Variants in SGCD observed in about 807,000 individuals in gnomAD.
SGCD encodes sarcoglycan delta.
SGCD carries 18 observed loss-of-function variants against 36.6 expected under a neutral mutation model. That is an observed-to-expected ratio of 0.49 (90% CI 0.34 to 0.73). SGCD has a LOEUF of 0.73. SGCD is among the 30% of genes least tolerant of loss of function. SGCD has a pLI of 0.01. For synonymous variants in SGCD, 133 were observed against 130.6 expected (o/e 1.02, Z -0.12); for missense variants, 387 against 346.7 (o/e 1.12, Z -0.92).
chr5:155,866,489 A>G (rs1755527228), upstream of SGCD, among the ~76,000 whole-genome samples: 1 of 152,214 alleles, frequency 6.6e-6, no homozygotes, highest in Admixed American at 6.6e-5. Context: ...CCTGCTCCAT[A>G]GACCTGTAGA....
chr5:155,818,248 G>T, the SGCD span, among the ~76,000 whole-genome samples: 7,114 of 152,160 alleles, frequency 0.047, 220 homozygotes, highest in Middle Eastern at 0.13. Flanking sequence ...GGGGTGGGGG[G>T]CCAGCAGGAC....
In SGCD at chr5:156,766,868, C is replaced by T. The variant is rs1414468217; in HGVS notation, c.*7478C>T. 9 of 152,100 alleles carry T rather than the reference C, an allele frequency of 5.9e-5. No individual in the cohort carries two copies. The highest frequency in any genetic ancestry group is 1.3e-4 in the Non-Finnish European group (9 of 68,054). The allele number at this position is 152,100 out of a possible 1,614,324, so 9.4% of individuals were successfully genotyped here. A position where few individuals can be genotyped will look rare whatever the true frequency, so the allele number is the denominator to read the frequency against. On this transcript the variant is annotated 3_prime_UTR_variant, in exon 9 of 9. Coordinates refer to ENST00000337851, the MANE Select transcript of SGCD (RefSeq NM_000337.6). The stretch of plus-strand genomic sequence containing the variant: ...CAGCAGCAAAGAGGTTGGGGTCCAT[C>T]CCTCTCTGATGTGCTTTTTCCACAA...
chr5:156,756,779 C>CA (rs1483328008), intron 7 of SGCD, among the ~76,000 whole-genome samples: 2 of 152,182 alleles, frequency 1.3e-5, no homozygotes, highest in African/African-American at 4.8e-5. Context: ...CCACTGCAAT[C>CA]AAGTTCCGTC....
At chr5:156,548,598 A>C (rs1269611553) in intron 4 of SGCD, among the ~76,000 whole-genome samples, 1 of 152,140 alleles carries the variant, frequency 6.6e-6, no homozygotes, top group Non-Finnish European at 1.5e-5. Flanking sequence ...GATCTTCACC[A>C]AGTCACTTTT....
chr5:156,500,580 CT>C (rs1367290042), intron 3 of SGCD, among the ~76,000 whole-genome samples: 2 of 152,158 alleles, frequency 1.3e-5, no homozygotes. Context: ...GAAAATCGCA[CT>C]TTTTTTCTGT....
chr5:156,614,009 C>T (rs538534840), intron 6 of SGCD, among the ~76,000 whole-genome samples: 31 of 152,186 alleles, frequency 2.0e-4, no homozygotes, highest in African/African-American at 7.0e-4. Flanking sequence ...TACACTAGTG[C>T]GATCTCAGCT....
chr5:156,619,191 A>C (rs965809531), intron 6 of SGCD, among the ~76,000 whole-genome samples: 5 of 152,030 alleles, frequency 3.3e-5, no homozygotes, highest in African/African-American at 1.2e-4. Flanking sequence ...ACGCCCGGCT[A>C]ATTTTTTGTA....
chr5:156,688,527 C>T (rs917053640), intron 7 of SGCD, among the ~76,000 whole-genome samples: 29 of 152,076 alleles, frequency 1.9e-4, no homozygotes, highest in African/African-American at 7.0e-4. Context: ...GTCAGAAACT[C>T]CCCAAATTAA....
At chr5:156,736,274 C>T (rs1756360664) in intron 7 of SGCD, among the ~76,000 whole-genome samples, 2 of 152,178 alleles carry the variant, frequency 1.3e-5, no homozygotes. Flanking sequence ...TTTACTTACT[C>T]TGCTTTATTG....
chr5:156,596,963 T>G (rs1760951693), intron 6 of SGCD, among the ~76,000 whole-genome samples: 1 of 152,156 alleles, frequency 6.6e-6, no homozygotes, highest in Non-Finnish European at 1.5e-5. Flanking sequence ...CTGGCCATCA[T>G]GAGCTCAGCA....
At chr5:156,719,517 G>A (rs531090633) in intron 7 of SGCD, among the ~76,000 whole-genome samples, 1 of 152,200 alleles carries the variant, frequency 6.6e-6, no homozygotes, top group South Asian at 2.1e-4. Flanking sequence ...CTGAATGAGG[G>A]CAAGATTCAG....
the SGCD span, among the ~76,000 whole-genome samples, chr5:155,754,848 C>T: frequency 6.6e-6 from 1 of 152,088 alleles, no homozygotes; most frequent in Non-Finnish European, 1.5e-5. Flanking sequence ...TTTACACATT[C>T]GTAATTATTT....
chr5:156,040,725 C>T (rs143537703), intron 1 of SGCD, among the ~76,000 whole-genome samples: 622 of 152,274 alleles, frequency 4.1e-3, no homozygotes, highest in Non-Finnish European at 6.9e-3. Flanking sequence ...TGGGCAGATG[C>T]ATGCCTTCAT....
At chr5:156,088,490 G>GGTTTGTTT (rs137895094) in intron 1 of SGCD, among the ~76,000 whole-genome samples, 6 of 150,944 alleles carry the variant, frequency 4.0e-5, no homozygotes, top group East Asian at 1.9e-4. Flanking sequence ...GAGAAATAAG[G>GGTTTGTTT]GTTTGTTTGT....
chr5:156,365,291 C>A (rs935208995), intron 3 of SGCD, among the ~76,000 whole-genome samples: 9 of 152,184 alleles, frequency 5.9e-5, no homozygotes, highest in Non-Finnish European at 1.0e-4. Context: ...TTATCTATTA[C>A]CAAAAACTAG....
chr5:156,534,940 A>C (rs1758036213), intron 4 of SGCD, among the ~76,000 whole-genome samples: 1 of 152,194 alleles, frequency 6.6e-6, no homozygotes, highest in South Asian at 2.1e-4. Flanking sequence ...GGTTACTCCT[A>C]TGTTGTTAAA....
intron 3 of SGCD, among the ~76,000 whole-genome samples, chr5:156,147,758 A>C (rs1222067745): frequency 6.6e-6 from 1 of 152,236 alleles, no homozygotes; most frequent in Non-Finnish European, 1.5e-5. Context: ...CAAGTTGTCC[A>C]ATAAATAACT....
intron 6 of SGCD, among the ~76,000 whole-genome samples, chr5:156,623,053 T>G (rs1398195512): frequency 3.3e-5 from 5 of 152,174 alleles, no homozygotes; most frequent in Non-Finnish European, 7.3e-5. Context: ...TATTGTATGT[T>G]TTATATGTAT....
intron 3 of SGCD, among the ~76,000 whole-genome samples, chr5:156,296,967 A>C (rs1766910710): frequency 6.6e-6 from 1 of 151,804 alleles, no homozygotes; most frequent in South Asian, 2.1e-4. Context: ...CACTATATAT[A>C]GTATATATGT....
Sources: allele counts gnomAD v4.1 joint callset (sites outside exome capture counted in the v4.1 genomes callset), GRCh38; gene constraint gnomAD v4.1.1; transcripts MANE v1.5; gene names NCBI Gene and HGNC (gene_info 2026-07-23, HGNC 2026-07-21).